The following SEL1L2 variants were observed in gnomAD, a reference collection of about 807,000 sequenced individuals.
SEL1L2 encodes protein sel-1 homolog 2.
SEL1L2 carries 89 observed loss-of-function variants against 98.8 expected under a neutral mutation model. The ratio of observed to expected loss-of-function variants is 0.90; its 90% confidence interval spans 0.76 to 1.07. The LOEUF (loss-of-function observed/expected upper bound fraction) is 1.07, where lower values mean the gene tolerates loss of function less well. Ranked by LOEUF, SEL1L2 falls within the 50% of genes least tolerant of loss-of-function variation. The probability of loss-of-function intolerance (pLI) is 0.00; values close to 1 mark genes in which losing one functional copy is unlikely to be tolerated. For synonymous variants in SEL1L2, 262 were observed against 278.5 expected (o/e 0.94, Z 0.59); for missense variants, 788 against 812.0 (o/e 0.97, Z 0.36).
intron 12 of SEL1L2, among the ~76,000 whole-genome samples, chr20:13,870,749 C>T (rs997458849): frequency 4.6e-5 from 7 of 151,898 alleles, no homozygotes; most frequent in African/African-American, 1.7e-4. Context: ...ATGGTGAAAC[C>T]CTGTCTCTAC....
rs754192570 is a variant in SEL1L2 at position 13,859,386 on chromosome 20, T to C, written c.1694A>G (p.Tyr565Cys). The change falls in exon 18 of 20, where the codon TAT (tyrosine) becomes TGT (cysteine). Residue 565 changes from tyrosine (Y) to cysteine (C), a missense_variant. Coordinates refer to ENST00000284951, the MANE Select transcript of SEL1L2 (RefSeq NM_025229.2). ...TGTTTGATAGTCTTTCTTAGTCCCA[T>C]AGCCATAGTAATGGTAATCTCCAAT... is the stretch of plus-strand genomic sequence containing the variant. ...VKIGDYHYYG[Y>C]GTKKDYQTAA... 4.3e-6 allele frequency: 7 copies of C among 1,613,988 alleles called. No individual in the cohort carries two copies. Among genetic ancestry groups the C allele is most frequent in the Non-Finnish European group, 5.9e-6 (7 of 1,179,964 alleles).
intron 5 of SEL1L2, among the ~76,000 whole-genome samples, chr20:13,897,899 A>C (rs1358312250): frequency 6.6e-6 from 1 of 151,730 alleles, no homozygotes; most frequent in African/African-American, 2.4e-5. Context: ...AAAAAACCCC[A>C]CAATAAGATA....
At chr20:13,918,988 C>A (rs764170747) in intron 4 of SEL1L2, 33 bp downstream of exon 4, 1 of 1,441,110 alleles carries the variant, frequency 6.9e-7, no homozygotes, top group South Asian at 1.2e-5. Flanking sequence ...CCTGGAAATT[C>A]AACTTGGCTA....
chr20:13,875,956 G>A (rs932355962), intron 12 of SEL1L2, 82 bp downstream of exon 12: 32 of 1,085,386 alleles, frequency 2.9e-5, no homozygotes, highest in African/African-American at 4.7e-5. Context: ...TTGGGACTTC[G>A]AAGTCAATTC....
At chr20:13,875,946 T>C (rs2046406885) in intron 12 of SEL1L2, 92 bp downstream of exon 12, 2 of 961,270 alleles carry the variant, frequency 2.1e-6, no homozygotes, top group Non-Finnish European at 3.4e-6. Flanking sequence ...TTATCTGGGC[T>C]TGGGACTTCG....
chr20:13,910,203 C>T (rs150385202), intron 5 of SEL1L2, among the ~76,000 whole-genome samples: 7 of 152,246 alleles, frequency 4.6e-5, no homozygotes, highest in African/African-American at 1.7e-4. Flanking sequence ...CCAGGTGGAG[C>T]TCAGATGTAA....
At chr20:13,905,027 T>C (rs1274743200) in intron 5 of SEL1L2, among the ~76,000 whole-genome samples, 1 of 152,114 alleles carries the variant, frequency 6.6e-6, no homozygotes, top group African/African-American at 2.4e-5. Context: ...TTCCATTCTG[T>C]GACTGGGGAG....
Position 13,932,866 on chromosome 20 carries a change from T to C in SEL1L2, c.115-1095A>G, listed in dbSNP as rs545578436. On this transcript the variant is annotated intron_variant, in intron 2 of 19. Coordinates refer to ENST00000284951, the MANE Select transcript of SEL1L2 (RefSeq NM_025229.2). ...GGTGGTAGCAAAGACATCAGAGCAA[T>C]GACCCAGGGGCCAGAGCAAGCAGAA... Among the ~76,000 whole-genome samples, 16 of 152,240 alleles carry C rather than the reference T, an allele frequency of 1.1e-4. No homozygotes were observed. The East Asian group carries it at 3.1e-3, about 29-fold the overall frequency.
chr20:13,937,547 C>G (rs2049515665), intron 2 of SEL1L2, among the ~76,000 whole-genome samples: 1 of 152,176 alleles, frequency 6.6e-6, no homozygotes, highest in Admixed American at 6.5e-5. Flanking sequence ...AAACCCTGCT[C>G]TACTCACCCT....
At chr20:13,966,443 T>C (rs376047389) in intron 1 of SEL1L2, among the ~76,000 whole-genome samples, 31 of 152,082 alleles carry the variant, frequency 2.0e-4, no homozygotes, top group Middle Eastern at 3.4e-3. Context: ...CTCAGCCTCT[T>C]GAGTAGCAGG....
At chr20:13,932,010 C>T (rs1447226979) in intron 2 of SEL1L2, among the ~76,000 whole-genome samples, 2 of 152,048 alleles carry the variant, frequency 1.3e-5, no homozygotes, top group Non-Finnish European at 2.9e-5. Context: ...CAGAGCCAAG[C>T]ATTAAAAGCT....
intron 4 of SEL1L2, among the ~76,000 whole-genome samples, chr20:13,915,881 A>G (rs1221810551): frequency 1.3e-5 from 2 of 152,180 alleles, no homozygotes; most frequent in Non-Finnish European, 2.9e-5. Context: ...TGGTCTCTAC[A>G]GGGTCTGGCA....
At chr20:13,989,446 T>C (rs1057240615) in intron 1 of SEL1L2, among the ~76,000 whole-genome samples, 5 of 152,248 alleles carry the variant, frequency 3.3e-5, no homozygotes, top group Non-Finnish European at 5.9e-5. Flanking sequence ...TTTCCAAGCT[T>C]GATATCTTCT....
In SEL1L2 at chr20:13,925,358, A is replaced by G. The variant is rs144504383; in HGVS notation, c.284-6235T>C. Among the ~76,000 whole-genome samples the G allele has an allele frequency of 1.4e-3, 209 of 152,356 alleles. 1 individual carries two copies. The highest frequency in any genetic ancestry group is 4.8e-3 in the African/African-American group (201 of 41,586). ...TATTGGTTTAGAAGTTTTCACCCAA[A>G]AAATCAGGTGGCATAAATTCAAATC... On this transcript the variant is annotated intron_variant, in intron 3 of 19. Coordinates refer to ENST00000284951, the MANE Select transcript of SEL1L2 (RefSeq NM_025229.2).
intron 2 of SEL1L2, among the ~76,000 whole-genome samples, chr20:13,940,595 G>T (rs896757783): frequency 1.3e-5 from 2 of 152,196 alleles, no homozygotes; most frequent in African/African-American, 4.8e-5. Flanking sequence ...TAGAACAAAA[G>T]ACTATTCTGG....
At chr20:13,916,714 G>A (rs948233504) in intron 4 of SEL1L2, among the ~76,000 whole-genome samples, 1 of 152,176 alleles carries the variant, frequency 6.6e-6, no homozygotes, top group African/African-American at 2.4e-5. Flanking sequence ...GCTGAGGCAG[G>A]AGAATCGCTT....
intron 8 of SEL1L2, 75 bp downstream of exon 8, chr20:13,887,694 T>G (rs1383369204): frequency 2.2e-6 from 2 of 920,976 alleles, no homozygotes; most frequent in Non-Finnish European, 3.5e-6. Flanking sequence ...TTTATATCAA[T>G]TGAACTGTTA....
intron 18 of SEL1L2, among the ~76,000 whole-genome samples, chr20:13,855,480 A>T (rs1186545578): frequency 6.6e-6 from 1 of 152,132 alleles, no homozygotes; most frequent in African/African-American, 2.4e-5. Flanking sequence ...ATCAAGAATG[A>T]CCTGTCAGTG....
rs2052084658 is a variant in SEL1L2 at position 13,984,893 on chromosome 20, A to G, written c.58+5584T>C. Among the ~76,000 whole-genome samples the G allele has an allele frequency of 2.0e-5, 3 of 152,316 alleles. No homozygotes were observed. The South Asian group carries it at 6.2e-4, about 32-fold the overall frequency. On this transcript the variant is annotated intron_variant, in intron 1 of 19. Transcript: ENST00000284951. Reference sequence around the variant, plus strand: ...ACATATATACAATGTGTAGTGAACAAATCAGGGTAATTAGCATGTTTCTCA... The same window carrying G: ...ACATATATACAATGTGTAGTGAACAGATCAGGGTAATTAGCATGTTTCTCA...
Sources: gnomAD v4.1 joint callset for allele counts (sites outside exome capture counted in the v4.1 genomes callset) on GRCh38, gnomAD v4.1.1 for gene constraint, MANE v1.5 for transcripts, NCBI Gene and HGNC (gene_info 2026-07-23, HGNC 2026-07-21) for gene names.